The following PALLD variants were observed in gnomAD, a reference collection of about 807,000 sequenced individuals.
The protein encoded by PALLD is palladin, cytoskeletal associated protein.
Under a neutral mutation model 123.5 loss-of-function variants are expected in PALLD, and 61 were observed. That is an observed-to-expected ratio of 0.49 (90% CI 0.40 to 0.61). PALLD has a LOEUF of 0.61. PALLD is among the 20% of genes least tolerant of loss of function. PALLD has a pLI of 0.00. For missense variants in PALLD, 1,273 were observed against 1,377.0 expected (o/e 0.92, Z 1.20); for synonymous variants, 465 against 496.4 (o/e 0.94, Z 0.84).
rs1434447660 is a variant in PALLD, at chr4:168,689,560, G to C, written c.1336-1043G>C. Among the ~76,000 whole-genome samples the C allele has an allele frequency of 8.0e-5, 11 of 137,684 alleles. No homozygotes were observed. The Admixed American group carries it at 9.3e-4, about 12-fold the overall frequency. 90.3% of individuals were successfully genotyped at this position (137,684 alleles called of 152,430 possible). A position where few individuals can be genotyped will look rare whatever the true frequency, so the allele number is the denominator to read the frequency against. On this transcript the variant is annotated intron_variant, in intron 6 of 21. Transcript: ENST00000505667. The stretch of plus-strand genomic sequence containing the variant: ...CCTCCTGAGTTCAAGTGATTTTCCT[G>C]TTCCAGCCTCCTCGGTAGCTGGGAT...
intron 10 of PALLD, among the ~76,000 whole-genome samples, chr4:168,829,459 A>G (rs1743891092): frequency 2.0e-5 from 3 of 152,212 alleles, no homozygotes; most frequent in Non-Finnish European, 4.4e-5. Context: ...CATCTGTTTT[A>G]TTCTTTCTGC....
chr4:168,921,821 C>G (rs910189983), intron 18 of PALLD, 80 bp downstream of exon 18: 17 of 1,128,982 alleles, frequency 1.5e-5, no homozygotes, highest in Non-Finnish European at 2.3e-5. Context: ...ACATTACTAA[C>G]CAATACGGAA....
chr4:168,580,270 A>G (rs1414958824), intron 2 of PALLD, among the ~76,000 whole-genome samples: 1 of 145,502 alleles, frequency 6.9e-6, no homozygotes, highest in East Asian at 2.0e-4. Context: ...GTGTGTGTGT[A>G]TCACATTTTC....
intron 10 of PALLD, among the ~76,000 whole-genome samples, chr4:168,822,198 C>T (rs2150800205): frequency 6.8e-6 from 1 of 146,064 alleles, no homozygotes; most frequent in Admixed American, 7.1e-5. Context: ...GTCTAAATAG[C>T]TGTGTGATAA....
chr4:168,820,227 C>T (rs28669006), intron 10 of PALLD, among the ~76,000 whole-genome samples: 9,706 of 152,290 alleles, frequency 0.064, 1,015 homozygotes, highest in African/African-American at 0.22. Context: ...ATGCCATGTG[C>T]GCCGTGCCAA....
intron 18 of PALLD, among the ~76,000 whole-genome samples, chr4:168,922,838 G>T (rs900268467): frequency 6.6e-6 from 1 of 152,112 alleles, no homozygotes; most frequent in Non-Finnish European, 1.5e-5. Flanking sequence ...ACCTCAGTGC[G>T]CATCAGCTGG....
At chr4:168,860,640 T>C in intron 10 of PALLD, among the ~76,000 whole-genome samples, 1 of 152,174 alleles carries the variant, frequency 6.6e-6, no homozygotes, top group Admixed American at 6.5e-5. Flanking sequence ...CTGGCCAACA[T>C]GGTGAAACCC....
In PALLD at chr4:168,668,189, G is replaced by T; in HGVS notation, c.909-1G>T. 1 of 1,613,482 alleles carries T rather than the reference G, an allele frequency of 6.2e-7. No homozygotes were observed. The highest frequency in any genetic ancestry group is 8.5e-7 in the Non-Finnish European group (1 of 1,179,418). On this transcript the variant is annotated splice_acceptor_variant, in intron 2 of 21. Transcript: ENST00000505667. LOFTEE classifies it high-confidence loss of function. ...TCCTTTGACCTCCATTTGGCCTGCAGATGGTTCTGTGAAGGGAAAGAACTG... is the reference window on the plus strand; with the variant it reads ...TCCTTTGACCTCCATTTGGCCTGCATATGGTTCTGTGAAGGGAAAGAACTG...
chr4:168,663,593 A>T (rs1435196176), intron 2 of PALLD, among the ~76,000 whole-genome samples: 1 of 152,024 alleles, frequency 6.6e-6, no homozygotes, highest in Non-Finnish European at 1.5e-5. Context: ...GGTCTTTAAC[A>T]CCTCTAGGAA....
At chr4:168,646,330 G>C (rs1027877631) in intron 2 of PALLD, among the ~76,000 whole-genome samples, 12 of 152,190 alleles carry the variant, frequency 7.9e-5, no homozygotes, top group Non-Finnish European at 1.5e-5. Context: ...TCTGGTACTA[G>C]TGCAGATGAC....
chr4:168,719,118 G>C (rs1323720524), intron 10 of PALLD, among the ~76,000 whole-genome samples: 1 of 151,792 alleles, frequency 6.6e-6, no homozygotes, highest in Non-Finnish European at 1.5e-5. Flanking sequence ...ATGTTGGTCA[G>C]GCTGGTCTCA....
intron 10 of PALLD, among the ~76,000 whole-genome samples, chr4:168,777,303 T>C (rs1420701050): frequency 2.6e-5 from 4 of 152,224 alleles, no homozygotes; most frequent in African/African-American, 9.6e-5. Flanking sequence ...GCTGCAGTTA[T>C]GGCTTGGAAG....
chr4:168,752,950 A>C (rs886145387), intron 10 of PALLD, among the ~76,000 whole-genome samples: 1 of 152,188 alleles, frequency 6.6e-6, no homozygotes, highest in African/African-American at 2.4e-5. Context: ...AGAGGAGGAG[A>C]AGAAAGAGGA....
intron 10 of PALLD, among the ~76,000 whole-genome samples, chr4:168,833,497 A>G (rs570906930): frequency 1.3e-5 from 2 of 152,276 alleles, no homozygotes; most frequent in African/African-American, 4.8e-5. Flanking sequence ...GACCGACCCA[A>G]GCTTCAGAGA....
chr4:168,666,606 C>G (rs1278492328), intron 2 of PALLD, among the ~76,000 whole-genome samples: 1 of 151,888 alleles, frequency 6.6e-6, no homozygotes, highest in Non-Finnish European at 1.5e-5. Flanking sequence ...TGCAAATATT[C>G]GACAGAAACA....
At chr4:168,807,102 T>C (rs1740319696) in intron 10 of PALLD, among the ~76,000 whole-genome samples, 1 of 151,978 alleles carries the variant, frequency 6.6e-6, no homozygotes, top group Admixed American at 6.6e-5. Context: ...GATAACTTCT[T>C]GGTAAGCAGG....
chr4:168,662,093 T>C (rs1282465258), intron 2 of PALLD, among the ~76,000 whole-genome samples: 1 of 152,210 alleles, frequency 6.6e-6, no homozygotes, highest in Non-Finnish European at 1.5e-5. Flanking sequence ...AAAATGTGAT[T>C]GAAGTTGAAA....
chr4:168,594,871 T>A (rs1161854492), intron 2 of PALLD, among the ~76,000 whole-genome samples: 2 of 152,180 alleles, frequency 1.3e-5, no homozygotes, highest in African/African-American at 4.8e-5. Flanking sequence ...AAGGTTAACA[T>A]AACTAACTCT....
At chr4:168,594,354 G>C (rs538004268) in intron 2 of PALLD, among the ~76,000 whole-genome samples, 1 of 152,094 alleles carries the variant, frequency 6.6e-6, no homozygotes, top group Non-Finnish European at 1.5e-5. Flanking sequence ...TAGTCGCAAG[G>C]TGATACCATC....
Sources: allele counts gnomAD v4.1 joint callset (sites outside exome capture counted in the v4.1 genomes callset), GRCh38; gene constraint gnomAD v4.1.1; transcripts MANE v1.5; gene names NCBI Gene and HGNC (gene_info 2026-07-23, HGNC 2026-07-21).